SUGCT: variants seen among roughly 807,000 people sequenced by gnomAD.
The protein encoded by SUGCT is succinyl-CoA:glutarate-CoA transferase, also known as succinyl-CoA:glutarate CoA-transferase.
Under a neutral mutation model 55.0 loss-of-function variants are expected in SUGCT, and 41 were observed. That is an observed-to-expected ratio of 0.74 (90% confidence interval 0.58 to 0.97). SUGCT has a LOEUF of 0.97. Among genes scored for constraint, SUGCT ranks in the 50% least tolerant of loss-of-function variants. The probability of loss-of-function intolerance (pLI) is 0.00; values close to 1 mark genes in which losing one functional copy is unlikely to be tolerated. For synonymous variants in SUGCT, 187 were observed against 200.4 expected, an observed-to-expected ratio of 0.93 and a Z score of 0.56; for missense variants, 568 against 547.8, an observed-to-expected ratio of 1.04 and a Z score of -0.37.
At chr7:40,618,438 G>T (rs1200279967) in intron 12 of SUGCT, among the ~76,000 whole-genome samples, 1 of 152,108 alleles carries the variant, frequency 6.6e-6, no homozygotes, top group Non-Finnish European at 1.5e-5. Context: ...GCATCAAAGT[G>T]GTACCCATAC....
chr7:40,679,395 A>G (rs1440013190), intron 12 of SUGCT, among the ~76,000 whole-genome samples: 3 of 152,142 alleles, frequency 2.0e-5, no homozygotes, highest in Non-Finnish European at 2.9e-5. Flanking sequence ...AAAGGTGTAC[A>G]TTAAAATGAA....
intron 12 of SUGCT, among the ~76,000 whole-genome samples, chr7:40,527,263 A>AT (rs1255945555): frequency 1.3e-5 from 2 of 152,364 alleles, no homozygotes; most frequent in Admixed American, 6.5e-5. Context: ...TGTGAAGAAA[A>AT]TGTGTGGAAA....
chr7:40,617,475 ATGTGTG>A (rs34487309), intron 12 of SUGCT, among the ~76,000 whole-genome samples: 6,892 of 143,624 alleles, frequency 0.048, 456 homozygotes, highest in African/African-American at 0.15. Context: ...TTAGATTTAT[ATGTGTG>A]TGTGTGTGTG....
chr7:41,015,784 T>A, the SUGCT span, among the ~76,000 whole-genome samples: 2 of 152,176 alleles, frequency 1.3e-5, no homozygotes, highest in African/African-American at 2.4e-5. Context: ...TATTTCTAGA[T>A]TTGTCTGTTT....
chr7:40,892,123 A>G, the SUGCT span, among the ~76,000 whole-genome samples: 1 of 152,258 alleles, frequency 6.6e-6, no homozygotes, highest in Non-Finnish European at 1.5e-5. Context: ...AAGTTAAAAG[A>G]TAAATGTATT....
the SUGCT span, among the ~76,000 whole-genome samples, chr7:40,893,997 T>C: frequency 6.8e-6 from 1 of 146,176 alleles, no homozygotes; most frequent in South Asian, 2.2e-4. Context: ...GGAGGCAGAG[T>C]GAGCCGAGAT....
chr7:40,688,700 T>C (rs1784565117), intron 12 of SUGCT, among the ~76,000 whole-genome samples: 1 of 152,144 alleles, frequency 6.6e-6, no homozygotes, highest in Non-Finnish European at 1.5e-5. Flanking sequence ...GGTGTAAAAG[T>C]TAGGGCTAAC....
At position 40,580,671 on chromosome 7, in the gene SUGCT, T is replaced by C. The variant is rs546923449; in HGVS notation, c.1089+84285T>C. ...AAAAAGAAAGGCACAGGACATTTCT[T>C]GATTAATATGTGCAGTCATGTGCCA... is the stretch of plus-strand genomic sequence containing the variant. On this transcript the variant is annotated intron_variant, in intron 12 of 13. Coordinates refer to ENST00000335693, the MANE Select transcript of SUGCT (RefSeq NM_001193313.2). Among the ~76,000 whole-genome samples the C allele has an allele frequency of 3.3e-5, 5 of 152,312 alleles. No homozygotes were observed. In the East Asian group the frequency reaches 9.6e-4, roughly 29 times the overall value.
At chr7:40,947,009 A>G in the SUGCT span, among the ~76,000 whole-genome samples, 57 of 152,124 alleles carry the variant, frequency 3.7e-4, 1 homozygote, top group South Asian at 0.011. Flanking sequence ...TTTTTCTTCA[A>G]GTTTGGAAAT....
At chr7:40,494,310 G>A (rs191292531) in intron 11 of SUGCT, among the ~76,000 whole-genome samples, 9 of 152,138 alleles carry the variant, frequency 5.9e-5, no homozygotes, top group African/African-American at 2.2e-4. Flanking sequence ...CGAAAAGGCT[G>A]CAGGTTCAAA....
At chr7:40,408,674 G>C (rs1207473104) in intron 9 of SUGCT, among the ~76,000 whole-genome samples, 1 of 151,798 alleles carries the variant, frequency 6.6e-6, no homozygotes, top group Admixed American at 6.6e-5. Context: ...TAACATTTAT[G>C]AGCTTTTTCT....
chr7:40,363,104 G>A (rs553401464), intron 9 of SUGCT, among the ~76,000 whole-genome samples: 80 of 152,186 alleles, frequency 5.3e-4, no homozygotes, highest in Non-Finnish European at 1.0e-3. Flanking sequence ...TTGCATAGAG[G>A]TGTTTGTAGT....
chr7:40,215,070 C>T (rs947526831), intron 6 of SUGCT, among the ~76,000 whole-genome samples: 7 of 152,238 alleles, frequency 4.6e-5, no homozygotes, highest in Admixed American at 4.6e-4. Context: ...GAGTTTATAG[C>T]ATGGCAGATA....
chr7:40,931,855 G>C, the SUGCT span, among the ~76,000 whole-genome samples: 11 of 152,020 alleles, frequency 7.2e-5, no homozygotes, highest in Admixed American at 2.6e-4. Flanking sequence ...CAATTTTGTT[G>C]ATCTTTTCAA....
intron 9 of SUGCT, among the ~76,000 whole-genome samples, chr7:40,448,737 C>T (rs936993542): frequency 1.3e-5 from 2 of 152,078 alleles, no homozygotes; most frequent in Admixed American, 6.5e-5. Flanking sequence ...CCCAGATACA[C>T]AGGAGGCTGG....
chr7:40,659,915 C>T (rs957536498), intron 12 of SUGCT, among the ~76,000 whole-genome samples: 4 of 152,130 alleles, frequency 2.6e-5, no homozygotes, highest in African/African-American at 9.7e-5. Flanking sequence ...TCTTCTTGTT[C>T]CTCTCCTTAT....
At chr7:40,390,843 A>T (rs1217587729) in intron 9 of SUGCT, among the ~76,000 whole-genome samples, 1 of 152,244 alleles carries the variant, frequency 6.6e-6, no homozygotes, top group Non-Finnish European at 1.5e-5. Flanking sequence ...CTAAGCCAAA[A>T]GAACAAAGCT....
At chr7:40,406,949 C>G (rs1786403393) in intron 9 of SUGCT, among the ~76,000 whole-genome samples, 1 of 151,876 alleles carries the variant, frequency 6.6e-6, no homozygotes, top group East Asian at 1.9e-4. Flanking sequence ...TACATATGGA[C>G]AGAAAACTGG....
At chr7:40,821,675 C>G (rs1341555585) in intron 13 of SUGCT, among the ~76,000 whole-genome samples, 1 of 152,114 alleles carries the variant, frequency 6.6e-6, no homozygotes, top group African/African-American at 2.4e-5. Context: ...ACTAGTCTTG[C>G]TAGCGGTCTG....
Sources: allele counts gnomAD v4.1 joint callset (sites outside exome capture counted in the v4.1 genomes callset), GRCh38; gene constraint gnomAD v4.1.1; transcripts MANE v1.5; gene names NCBI Gene and HGNC (gene_info 2026-07-23, HGNC 2026-07-21).